RIMS1: variants seen among roughly 807,000 people sequenced by gnomAD.
RIMS1 encodes the protein regulating synaptic membrane exocytosis protein 1.
A neutral mutation model predicts 214.1 loss-of-function variants in RIMS1; 83 were observed. The ratio of observed to expected loss-of-function variants is 0.39; its 90% CI spans 0.32 to 0.47. The LOEUF is 0.47. RIMS1 is among the 20% of genes least tolerant of loss of function. The pLI is 0.99. For synonymous variants in RIMS1, 793 were observed against 786.8 expected, an observed-to-expected ratio of 1.01 and a Z score of -0.13; for missense variants, 2,050 against 2,161.8, an observed-to-expected ratio of 0.95 and a Z score of 1.03.
intron 4 of RIMS1, among the ~76,000 whole-genome samples, chr6:72,148,334 A>G (rs2043023368): frequency 6.6e-6 from 1 of 152,208 alleles, no homozygotes; most frequent in Non-Finnish European, 1.5e-5. Context: ...AGGAAAAGGC[A>G]TCCCTTTGTT....
intron 29 of RIMS1, among the ~76,000 whole-genome samples, chr6:72,351,575 C>G (rs571661195): frequency 7.2e-5 from 11 of 152,284 alleles, no homozygotes; most frequent in Admixed American, 3.9e-4. Context: ...AAGGAAAACA[C>G]AGAAGCTGAG....
intron 6 of RIMS1, among the ~76,000 whole-genome samples, chr6:72,215,734 A>AG: frequency 6.6e-6 from 1 of 152,154 alleles, no homozygotes; most frequent in Middle Eastern, 3.2e-3. Flanking sequence ...GTTTGGGAAA[A>AG]GAAAAAAAAG....
rs1186628970 is a variant in RIMS1, at chr6:72,333,651, C to A, written c.4182C>A (p.Ser1394=). The change falls in exon 29 of 34, where the codon TCC becomes TCA. Residue 1394 remains serine, a synonymous_variant. Transcript: ENST00000521978. ...GACGGATGGGGACTTCAGGAAGATC[C>A]ATCATGAAGAGCACCAGTGTCAGTG... is the stretch of plus-strand genomic sequence containing the variant. ...QGRRMGTSGR[S]IMKSTSVSGE... 1.9e-6 allele frequency: 3 copies of A among 1,597,930 alleles called. No individual in the cohort carries two copies. Among genetic ancestry groups the A allele is most frequent in the Non-Finnish European group, 2.6e-6 (3 of 1,171,976 alleles).
At chr6:71,936,533 T>C (rs1241599616) in intron 1 of RIMS1, among the ~76,000 whole-genome samples, 1 of 152,144 alleles carries the variant, frequency 6.6e-6, no homozygotes, top group Non-Finnish European at 1.5e-5. Flanking sequence ...GTTCAGTTCT[T>C]CCCTTTGGAA....
chr6:72,214,487 T>C (rs2054866488), intron 6 of RIMS1, among the ~76,000 whole-genome samples: 1 of 152,052 alleles, frequency 6.6e-6, no homozygotes, highest in African/African-American at 2.4e-5. Context: ...TTATACTAAA[T>C]TAATATAAAT....
chr6:72,399,120 T>G, intron 33 of RIMS1, 26 bp downstream of exon 33: 1 of 1,553,484 alleles, frequency 6.4e-7, no homozygotes, highest in Admixed American at 1.8e-5. Context: ...TTTGGCTTTT[T>G]ACATTGAAAT....
intron 2 of RIMS1, among the ~76,000 whole-genome samples, chr6:72,066,879 G>T (rs1165678142): frequency 6.6e-6 from 1 of 151,990 alleles, no homozygotes; most frequent in East Asian, 1.9e-4. Flanking sequence ...CAAAAACTTA[G>T]GAGTCACCCT....
chr6:72,329,669 C>G (rs1306972619), intron 28 of RIMS1, among the ~76,000 whole-genome samples: 1 of 151,540 alleles, frequency 6.6e-6, no homozygotes, highest in Non-Finnish European at 1.5e-5. Flanking sequence ...CTCTTGTTAG[C>G]CAATGCACAA....
chr6:72,170,439 G>A (rs1210683896), intron 4 of RIMS1, among the ~76,000 whole-genome samples: 2 of 152,136 alleles, frequency 1.3e-5, no homozygotes, highest in Non-Finnish European at 2.9e-5. Context: ...TGCCTCCCAG[G>A]TTCAAGCGAT....
chr6:72,187,479 G>GTTTTTTTTTT (rs61420518), intron 6 of RIMS1, among the ~76,000 whole-genome samples: 1 of 125,616 alleles, frequency 8.0e-6, no homozygotes, highest in Non-Finnish European at 1.6e-5. Context: ...TATCCTTTTT[G>GTTTTTTTTTT]TTTTTTTTTT....
intron 1 of RIMS1, among the ~76,000 whole-genome samples, chr6:71,897,227 C>T (rs1772061974): frequency 6.6e-6 from 1 of 152,122 alleles, no homozygotes; most frequent in South Asian, 2.1e-4. Flanking sequence ...AGGCTCTCTT[C>T]AGTACTTATC....
chr6:72,331,262 T>G (rs2096649477), intron 28 of RIMS1, among the ~76,000 whole-genome samples: 1 of 151,778 alleles, frequency 6.6e-6, no homozygotes, highest in Non-Finnish European at 1.5e-5. Context: ...GAGATGGAAA[T>G]TTCAAGCTGT....
intron 4 of RIMS1, among the ~76,000 whole-genome samples, chr6:72,164,093 G>C (rs2496486): frequency 0.48 from 72,568 of 151,866 alleles, 18,512 homozygotes; most frequent in East Asian, 0.83. Flanking sequence ...GGCAATGGTG[G>C]GCGCCCCTCC....
At chr6:71,930,650 C>T (rs1782759587) in intron 1 of RIMS1, among the ~76,000 whole-genome samples, 1 of 151,978 alleles carries the variant, frequency 6.6e-6, no homozygotes, top group Admixed American at 6.6e-5. Flanking sequence ...TGAATCGGGT[C>T]CAAGTATATG....
chr6:72,383,552 T>C (rs2098530629), intron 29 of RIMS1, among the ~76,000 whole-genome samples: 1 of 141,604 alleles, frequency 7.1e-6, no homozygotes, highest in African/African-American at 2.7e-5. Context: ...GATGGGAGGA[T>C]CACTTGAGGC....
At position 72,261,007 on chromosome 6, in the gene RIMS1, T is replaced by C. The variant is rs2077732353; in HGVS notation, c.3116+240T>C. 30 of 1,293,080 alleles carry C rather than the reference T, an allele frequency of 2.3e-5. No individual in the cohort carries two copies. In the South Asian group the frequency reaches 3.9e-4, roughly 17 times the overall value. 80.1% of individuals were successfully genotyped at this position (1,293,080 alleles called of 1,614,324 possible). Reference sequence around the variant, plus strand: ...AAAAATCCAGAGACTAGTGGGCCTCTCTGGGACTGTTTGCGTTCCTAAAAC... The same window carrying C: ...AAAAATCCAGAGACTAGTGGGCCTCCCTGGGACTGTTTGCGTTCCTAAAAC... On this transcript the variant is annotated intron_variant, in intron 19 of 33. Coordinates refer to ENST00000521978, the MANE Select transcript of RIMS1 (RefSeq NM_014989.7).
chr6:72,397,085 A>T (rs970886317), intron 31 of RIMS1, among the ~76,000 whole-genome samples: 1 of 152,130 alleles, frequency 6.6e-6, no homozygotes, highest in Non-Finnish European at 1.5e-5. Flanking sequence ...AAAAAATATA[A>T]CCTACCACAA....
chr6:72,038,269 T>C (rs1378464148), intron 2 of RIMS1, among the ~76,000 whole-genome samples: 2 of 150,804 alleles, frequency 1.3e-5, no homozygotes, highest in Non-Finnish European at 3.0e-5. Context: ...CACAGTGACG[T>C]TACAAAGATA....
chr6:71,968,882 A>C, intron 1 of RIMS1, 101 bp from the exon 2 acceptor site: 1 of 1,205,832 alleles, frequency 8.3e-7, no homozygotes, highest in Non-Finnish European at 1.2e-6. Flanking sequence ...GCTTTCAAAG[A>C]CTTTCCCTTA....
Sources: allele counts gnomAD v4.1 joint callset (sites outside exome capture counted in the v4.1 genomes callset), GRCh38; gene constraint gnomAD v4.1.1; transcripts MANE v1.5; gene names NCBI Gene and HGNC (gene_info 2026-07-23, HGNC 2026-07-21).